The following CNBD1 variants were observed in gnomAD, a reference collection of about 807,000 sequenced individuals.
CNBD1 encodes cyclic nucleotide-binding domain-containing protein 1.
CNBD1 carries 71 observed loss-of-function variants against 54.4 expected under a neutral mutation model. The ratio of observed to expected loss-of-function variants is 1.30; its 90% CI spans 1.08 to 1.59. CNBD1 has a LOEUF of 1.59. Among genes scored for constraint, CNBD1 ranks in the 40% most tolerant of loss-of-function variants. The probability of loss-of-function intolerance (pLI) is 0.00; values close to 1 mark genes in which losing one functional copy is unlikely to be tolerated. For synonymous variants in CNBD1, 182 were observed against 170.7 expected (o/e 1.07, Z -0.51); for missense variants, 659 against 518.0 (o/e 1.27, Z -2.64).
intron 4 of CNBD1, among the ~76,000 whole-genome samples, chr8:86,950,284 G>A (rs1234097559): frequency 6.6e-6 from 1 of 151,908 alleles, no homozygotes; most frequent in Non-Finnish European, 1.5e-5. Flanking sequence ...TGGCCAGGCT[G>A]GTCTTGAACT....
intron 4 of CNBD1, among the ~76,000 whole-genome samples, chr8:86,959,734 C>G (rs1267060739): frequency 6.6e-6 from 1 of 152,098 alleles, no homozygotes; most frequent in East Asian, 1.9e-4. Flanking sequence ...GCTGTTTATT[C>G]TAGTTAGCCA....
At chr8:86,984,740 T>A (rs1284812127) in intron 4 of CNBD1, among the ~76,000 whole-genome samples, 1 of 152,078 alleles carries the variant, frequency 6.6e-6, no homozygotes, top group Non-Finnish European at 1.5e-5. Context: ...TTGGAATGGG[T>A]ATATTTACCC....
intron 8 of CNBD1, among the ~76,000 whole-genome samples, chr8:87,340,853 T>G (rs1056149632): frequency 2.0e-5 from 3 of 152,150 alleles, no homozygotes; most frequent in Non-Finnish European, 4.4e-5. Context: ...TTGAATTTTT[T>G]GTTGGGTAAC....
At chr8:87,185,121 C>T (rs1821122) in intron 4 of CNBD1, among the ~76,000 whole-genome samples, 82,873 of 151,796 alleles carry the variant, frequency 0.55, 23,337 homozygotes, top group African/African-American at 0.64. Flanking sequence ...TGAGGTTTGT[C>T]TTATGGTATA....
chr8:87,357,675 T>C (rs1374210801), intron 10 of CNBD1, among the ~76,000 whole-genome samples: 1 of 152,204 alleles, frequency 6.6e-6, no homozygotes, highest in East Asian at 1.9e-4. Flanking sequence ...GAGTCTCAGA[T>C]GGAACTTTGG....
In CNBD1 at chr8:87,391,171, A is replaced by G. The variant is rs369101457; in HGVS notation, c.214-37375A>G. Among the ~76,000 whole-genome samples, 16 of 152,224 alleles carry G rather than the reference A, an allele frequency of 1.1e-4. 1 individual carries two copies. The South Asian group carries it at 1.4e-3, about 14-fold the overall frequency. On this transcript the variant is annotated intron_variant, in intron 2 of 7. Coordinates refer to the CNBD1 transcript ENST00000521593. ...AAGAGATAATTGGTGCAGCACAACA[A>G]CATGGCATATGTATACATATGTGAC...
chr8:87,077,077 T>C lies in CNBD1; in HGVS notation c.432-128916T>C, dbSNP rs571035498. ...TACCATGGAAAGGGAAACATTTACTTTGATAGAGTTTTAGTAGTGTCTCAG... is the reference window on the plus strand; with the variant it reads ...TACCATGGAAAGGGAAACATTTACTCTGATAGAGTTTTAGTAGTGTCTCAG... On this transcript the variant is annotated intron_variant, in intron 4 of 10. Transcript: ENST00000518476. Among the ~76,000 whole-genome samples, 5 of 152,260 alleles carry C rather than the reference T, an allele frequency of 3.3e-5. No homozygotes were observed. In the South Asian group the frequency reaches 1.0e-3, roughly 32 times the overall value.
intron 10 of CNBD1, among the ~76,000 whole-genome samples, chr8:87,356,152 A>G (rs1810415911): frequency 6.6e-6 from 1 of 152,114 alleles, no homozygotes; most frequent in South Asian, 2.1e-4. Context: ...TTTATAAATT[A>G]CCCAGCTTCA....
chr8:87,162,341 G>T (rs960331753), intron 4 of CNBD1, among the ~76,000 whole-genome samples: 16 of 152,104 alleles, frequency 1.1e-4, no homozygotes, highest in African/African-American at 3.6e-4. Flanking sequence ...CTTTGTGATG[G>T]TAAAATTGTA....
Position 87,391,336 on chromosome 8 carries a change from T to A in CNBD1, c.214-37210T>A, listed in dbSNP as rs118004533. On this transcript the variant is annotated intron_variant, in intron 2 of 7. Transcript: ENST00000521593. ...TGCAGTCCCTATCAAAACCCCAGCTTGATTATTTTCAGAAAGCCACAAGCT... is the reference window on the plus strand; with the variant it reads ...TGCAGTCCCTATCAAAACCCCAGCTAGATTATTTTCAGAAAGCCACAAGCT... Among the ~76,000 whole-genome samples, 257 of 152,190 alleles carry A rather than the reference T, an allele frequency of 1.7e-3. 10 individuals are homozygous for A. In the East Asian group the frequency reaches 0.045, roughly 27 times the overall value.
chr8:86,940,132 C>CTTTTTTTTCTTTTTT (rs1554632387), intron 4 of CNBD1, among the ~76,000 whole-genome samples: 5 of 88,742 alleles, frequency 5.6e-5, no homozygotes, highest in African/African-American at 2.3e-4. Flanking sequence ...CCACATGTTA[C>CTTTTTTTTCTTTTTT]TTTTTTTTTT....
chr8:87,030,441 A>C (rs906666875), intron 4 of CNBD1, among the ~76,000 whole-genome samples: 4 of 152,332 alleles, frequency 2.6e-5, no homozygotes, highest in Middle Eastern at 3.4e-3. Flanking sequence ...AGATAGTGAA[A>C]GATTAGAAAA....
At chr8:87,348,971 G>A (rs983078369) in intron 8 of CNBD1, among the ~76,000 whole-genome samples, 6 of 152,092 alleles carry the variant, frequency 3.9e-5, no homozygotes, top group Non-Finnish European at 8.8e-5. Context: ...TTTTCATAAT[G>A]ATCTAATGCT....
At chr8:87,229,346 T>C (rs1814610073) in intron 5 of CNBD1, among the ~76,000 whole-genome samples, 1 of 152,180 alleles carries the variant, frequency 6.6e-6, no homozygotes, top group East Asian at 1.9e-4. Flanking sequence ...AATATTTGAA[T>C]GAGGAATCCA....
rs888925240 is a variant in CNBD1, at chr8:87,118,631, A to G, written c.432-87362A>G. 1.8e-4 allele frequency among the ~76,000 whole-genome samples: 28 copies of G among 152,284 alleles called. No individual in the cohort carries two copies. The East Asian group carries it at 4.6e-3, about 25-fold the overall frequency. ...ACATGGGATCATAGAGATAAGGTAT[A>G]AGTACCTTGTTTTTTTGTGCTGAGT... On this transcript the variant is annotated intron_variant, in intron 4 of 10. Transcript: ENST00000518476.
intron 4 of CNBD1, among the ~76,000 whole-genome samples, chr8:87,164,629 C>T (rs755416647): frequency 4.2e-4 from 63 of 151,538 alleles, no homozygotes; most frequent in Admixed American, 2.8e-3. Context: ...TCTGTGGTAT[C>T]AGTCGTAATG....
intron 4 of CNBD1, among the ~76,000 whole-genome samples, chr8:87,190,120 A>T (rs1043620993): frequency 6.6e-6 from 1 of 152,100 alleles, no homozygotes; most frequent in African/African-American, 2.4e-5. Context: ...TTTCAGGTGG[A>T]TTTTTCTATC....
intron 4 of CNBD1, among the ~76,000 whole-genome samples, chr8:86,969,777 G>GTT (rs1286747372): frequency 7.8e-4 from 88 of 112,708 alleles, no homozygotes; most frequent in South Asian, 2.4e-3. Context: ...AAGGACTAGT[G>GTT]TTTTATATAT....
chr8:87,051,651 C>G (rs1393867494), intron 4 of CNBD1, among the ~76,000 whole-genome samples: 1 of 152,208 alleles, frequency 6.6e-6, no homozygotes, highest in Non-Finnish European at 1.5e-5. Flanking sequence ...TAATCTGCAG[C>G]AGGAGCATGT....
Sources: gnomAD v4.1 joint callset for allele counts (sites outside exome capture counted in the v4.1 genomes callset) on GRCh38, gnomAD v4.1.1 for gene constraint, MANE v1.5 for transcripts, NCBI Gene and HGNC (gene_info 2026-07-23, HGNC 2026-07-21) for gene names.